Variants in PAK2 observed in about 807,000 individuals in gnomAD.
The protein encoded by PAK2 is serine/threonine-protein kinase PAK 2.
In PAK2, 21 loss-of-function variants were observed where a neutral mutation model predicts 65.9. The observed-to-expected ratio is 0.32, with a 90% CI of 0.23 to 0.46. The LOEUF is 0.46. Ranked by LOEUF, PAK2 falls within the 20% of genes least tolerant of loss-of-function variation. The pLI is 1.00. For missense variants in PAK2, 324 were observed against 642.6 expected (o/e 0.50, Z 5.36); for synonymous variants, 204 against 219.7 (o/e 0.93, Z 0.63).
rs767185267 is a variant in PAK2, at chr3:196,830,102, TAGTATACATTGG to T, written c.*1700_*1711del. 1 of 151,692 alleles carries T rather than the reference TAGTATACATTGG, an allele frequency of 6.6e-6. No individual in the cohort carries two copies. Among genetic ancestry groups the T allele is most frequent in the Non-Finnish European group, 1.5e-5 (1 of 67,956 alleles). The allele number at this position is 151,692 out of a possible 1,614,324, so 9.4% of individuals were successfully genotyped here. A position where few individuals can be genotyped will look rare whatever the true frequency, so the allele number is the denominator to read the frequency against. On this transcript the variant is annotated 3_prime_UTR_variant, in exon 15 of 15. Transcript: ENST00000327134. ...TGAATAAAAAATAATTTTGCTGTTG[TAGTATACATTGG>T]AGAAACTGGCAGGTTTTATTTCCAT...
At chr3:196,795,458 C>T (rs1715227665) in intron 2 of PAK2, among the ~76,000 whole-genome samples, 1 of 151,838 alleles carries the variant, frequency 6.6e-6, no homozygotes, top group Admixed American at 6.6e-5. Flanking sequence ...CAGAGCGAGA[C>T]CCTGTTTCAA....
chr3:196,806,875 A>T (rs1468213614), intron 6 of PAK2, among the ~76,000 whole-genome samples, 189 bp downstream of exon 6: 1 of 152,134 alleles, frequency 6.6e-6, no homozygotes, highest in Admixed American at 6.6e-5. Flanking sequence ...CTGAAGATTA[A>T]AATGTGATGT....
At chr3:196,788,264 CATA>C (rs1714960242) in intron 2 of PAK2, among the ~76,000 whole-genome samples, 1 of 152,128 alleles carries the variant, frequency 6.6e-6, no homozygotes, top group African/African-American at 2.4e-5. Context: ...TTTTAAAAAT[CATA>C]ATGACCTTAA....
chr3:196,803,097 G>A lies in PAK2; in HGVS notation c.369G>A (p.Val123=), dbSNP rs756303352. 1.2e-6 allele frequency: 2 copies of A among 1,613,190 alleles called. No individual in the cohort carries two copies. The highest frequency in any genetic ancestry group is 2.2e-5 in the South Asian group (2 of 90,964). ...AGCAAAAGAAGAATCCTCAGGCTGT[G>A]CTGGATGTCCTAAAGTTCTACGACT... ...KLEQKKNPQA[V]LDVLKFYDSN... The change falls in exon 4 of 15, where the codon GTG becomes GTA. Residue 123 remains valine (V), a synonymous_variant. Transcript: ENST00000327134.
At chr3:196,770,731 T>C (rs1033852969) in intron 1 of PAK2, among the ~76,000 whole-genome samples, 4 of 51,280 alleles carry the variant, frequency 7.8e-5, no homozygotes, top group African/African-American at 1.8e-4. Flanking sequence ...CAAGCAATTC[T>C]CCTGCCTCAG....
At chr3:196,748,520 C>T (rs1713466539) in intron 1 of PAK2, among the ~76,000 whole-genome samples, 2 of 152,194 alleles carry the variant, frequency 1.3e-5, no homozygotes, top group Admixed American at 1.3e-4. Flanking sequence ...AACCGCTGAT[C>T]CTTTTACTAC....
chr3:196,778,425 G>A (rs776628678), intron 1 of PAK2, among the ~76,000 whole-genome samples: 2 of 152,126 alleles, frequency 1.3e-5, no homozygotes, highest in South Asian at 2.1e-4. Context: ...TTGCGGGGTC[G>A]CATAGTAGCT....
chr3:196,792,402 T>TA (rs1406603603), intron 2 of PAK2, among the ~76,000 whole-genome samples: 3 of 152,206 alleles, frequency 2.0e-5, no homozygotes, highest in Admixed American at 6.6e-5. Context: ...TAATTTATGA[T>TA]AGACGTATTA....
At chr3:196,748,733 T>C (rs1713473881) in intron 1 of PAK2, among the ~76,000 whole-genome samples, 1 of 152,188 alleles carries the variant, frequency 6.6e-6, no homozygotes, top group South Asian at 2.1e-4. Flanking sequence ...CCAGGTTTGG[T>C]GATTATGAAT....
At chr3:196,774,757 C>T (rs1310414544) in intron 1 of PAK2, among the ~76,000 whole-genome samples, 1 of 152,158 alleles carries the variant, frequency 6.6e-6, no homozygotes, top group Non-Finnish European at 1.5e-5. Flanking sequence ...AGAGTCATAG[C>T]ACTTGTTACC....
intron 1 of PAK2, among the ~76,000 whole-genome samples, chr3:196,778,659 A>G (rs960183546): frequency 4.6e-5 from 7 of 152,168 alleles, no homozygotes; most frequent in Non-Finnish European, 7.3e-5. Flanking sequence ...ATTTATTTGG[A>G]TTCTACTAGT....
intron 11 of PAK2, among the ~76,000 whole-genome samples, chr3:196,817,347 G>C (rs545270638): frequency 1.4e-5 from 2 of 147,668 alleles, no homozygotes; most frequent in Non-Finnish European, 3.0e-5. Flanking sequence ...CTTTCTTTCT[G>C]TCCGTCTTTT....
At position 196,770,195 on chromosome 3, in the gene PAK2, C is replaced by T. The variant is rs549141746; in HGVS notation, c.-21-12431C>T. ...TCACTGGAGCCCAGGAGGTTTAGAC[C>T]GCAGTGAGGTCTGATCATGCCATTG... is the stretch of plus-strand genomic sequence containing the variant. On this transcript the variant is annotated intron_variant, in intron 1 of 14. Coordinates refer to ENST00000327134, the MANE Select transcript of PAK2 (RefSeq NM_002577.4). 8.9e-4 allele frequency among the ~76,000 whole-genome samples: 135 copies of T among 152,026 alleles called. 1 individual carries two copies. Among genetic ancestry groups the T allele is most frequent in the African/African-American group, 7.5e-4 (31 of 41,380 alleles).
Position 196,751,067 on chromosome 3 carries a change from C to G in PAK2, c.-22+10910C>G, listed in dbSNP as rs551859923. The stretch of plus-strand genomic sequence containing the variant: ...CTACCTCCAGCCCCCAGTAGCCTAT[C>G]TCTAATCTGTTTTCTGTCTCAATGA... On this transcript the variant is annotated intron_variant, in intron 1 of 14. Coordinates refer to ENST00000327134, the MANE Select transcript of PAK2 (RefSeq NM_002577.4). Among the ~76,000 whole-genome samples, 5 of 152,122 alleles carry G rather than the reference C, an allele frequency of 3.3e-5. No homozygotes were observed. The South Asian group carries it at 1.0e-3, about 32-fold the overall frequency.
intron 8 of PAK2, among the ~76,000 whole-genome samples, chr3:196,811,987 T>C (rs1715842791): frequency 6.6e-6 from 1 of 152,138 alleles, no homozygotes. Flanking sequence ...CTGCTCTTTT[T>C]TCCCTACATT....
At chr3:196,812,984 G>A (rs1715877394) in intron 10 of PAK2, 133 bp downstream of exon 10, 7 of 572,590 alleles carry the variant, frequency 1.2e-5, no homozygotes, top group Non-Finnish European at 1.9e-5. Context: ...GAAGAGGAGA[G>A]GTAAAAATAG....
intron 1 of PAK2, among the ~76,000 whole-genome samples, chr3:196,778,427 A>G (rs531939431): frequency 2.0e-4 from 31 of 152,212 alleles, no homozygotes; most frequent in Non-Finnish European, 3.1e-4. Flanking sequence ...GCGGGGTCGC[A>G]TAGTAGCTCT....
chr3:196,755,904 C>G (rs1713753120), intron 1 of PAK2, among the ~76,000 whole-genome samples: 2 of 152,022 alleles, frequency 1.3e-5, no homozygotes, highest in Non-Finnish European at 2.9e-5. Context: ...TACAGGCGAG[C>G]ACCACCATGC....
intron 4 of PAK2, among the ~76,000 whole-genome samples, chr3:196,803,612 G>A (rs971189825): frequency 1.3e-5 from 2 of 152,164 alleles, no homozygotes; most frequent in Admixed American, 6.5e-5. Context: ...TCGCAAGTGT[G>A]CAGATAATAG....
Sources: allele counts gnomAD v4.1 joint callset (sites outside exome capture counted in the v4.1 genomes callset), GRCh38; gene constraint gnomAD v4.1.1; transcripts MANE v1.5; gene names NCBI Gene and HGNC (gene_info 2026-07-23, HGNC 2026-07-21).